The following PCDH15 variants were observed in gnomAD, a reference collection of about 807,000 sequenced individuals.
PCDH15 encodes the protein protocadherin-15.
Under a neutral mutation model 178.5 loss-of-function variants are expected in PCDH15, and 129 were observed. The ratio of observed to expected loss-of-function variants is 0.72; its 90% CI spans 0.63 to 0.84. The LOEUF is 0.84. PCDH15 is among the 40% of genes least tolerant of loss of function. PCDH15 has a pLI of 0.00. For synonymous variants in PCDH15, 800 were observed against 732.0 expected, an observed-to-expected ratio of 1.09 and a Z score of -1.50; for missense variants, 2,230 against 2,099.9, an observed-to-expected ratio of 1.06 and a Z score of -1.21.
chr10:55,414,378 T>A (rs2132038165), intron 2 of PCDH15, among the ~76,000 whole-genome samples: 1 of 151,686 alleles, frequency 6.6e-6, no homozygotes, highest in Middle Eastern at 3.4e-3. Flanking sequence ...AATCCACGAT[T>A]CATTTCACCC....
At chr10:54,383,503 T>G (rs780464739) in intron 3 of PCDH15, among the ~76,000 whole-genome samples, 4 of 152,100 alleles carry the variant, frequency 2.6e-5, no homozygotes, top group Non-Finnish European at 5.9e-5. Context: ...TATTTAATTA[T>G]CAGACTGGTG....
intron 7 of PCDH15, among the ~76,000 whole-genome samples, chr10:54,318,011 A>G (rs1218919335): frequency 6.6e-6 from 1 of 152,064 alleles, no homozygotes; most frequent in Non-Finnish European, 1.5e-5. Flanking sequence ...CATAAAGGTC[A>G]CTCTCATCTC....
At chr10:55,380,602 A>G (rs1166369617) in intron 2 of PCDH15, among the ~76,000 whole-genome samples, 2 of 152,156 alleles carry the variant, frequency 1.3e-5, no homozygotes, top group Non-Finnish European at 2.9e-5. Context: ...AGATTTTTCT[A>G]GTCTCAGTGT....
intron 2 of PCDH15, among the ~76,000 whole-genome samples, chr10:55,035,549 A>C (rs2131970966): frequency 6.6e-6 from 1 of 152,316 alleles, no homozygotes; most frequent in Admixed American, 6.5e-5. Context: ...ATCACAGCGT[A>C]ATAAAGTTAA....
At chr10:55,230,203 T>A in intron 1 of PCDH15, among the ~76,000 whole-genome samples, 1 of 152,068 alleles carries the variant, frequency 6.6e-6, no homozygotes, top group East Asian at 1.9e-4. Flanking sequence ...ATTAAAATTT[T>A]GATTTATTTG....
intron 2 of PCDH15, among the ~76,000 whole-genome samples, chr10:55,471,856 A>T (rs1054214697): frequency 6.6e-6 from 1 of 152,248 alleles, no homozygotes; most frequent in African/African-American, 2.4e-5. Context: ...TATATGCAGG[A>T]CTATTTTTGC....
chr10:54,580,559 C>T (rs1449236730), intron 2 of PCDH15, among the ~76,000 whole-genome samples: 1 of 151,766 alleles, frequency 6.6e-6, no homozygotes, highest in Non-Finnish European at 1.5e-5. Context: ...GACACTATTA[C>T]AAAAAATTAA....
chr10:54,098,200 GTGTGT>G, intron 15 of PCDH15, among the ~76,000 whole-genome samples: 1 of 113,484 alleles, frequency 8.8e-6, no homozygotes, highest in Non-Finnish European at 1.7e-5. Context: ...TTGTGTGTGT[GTGTGT>G]GTGTGTGTGT....
At chr10:54,058,795 G>C (rs974093017) in intron 18 of PCDH15, among the ~76,000 whole-genome samples, 1 of 151,858 alleles carries the variant, frequency 6.6e-6, no homozygotes, top group Non-Finnish European at 1.5e-5. Context: ...CTGGGTTCAA[G>C]CTATTCTCCT....
intron 2 of PCDH15, among the ~76,000 whole-genome samples, chr10:55,351,086 C>T (rs541885619): frequency 6.8e-4 from 95 of 138,744 alleles, no homozygotes; most frequent in African/African-American, 2.3e-3. Context: ...TCCTCCTCCT[C>T]CTTCTTCTTC....
chr10:55,051,005 A>G (rs1382784271), intron 2 of PCDH15, among the ~76,000 whole-genome samples: 1 of 152,102 alleles, frequency 6.6e-6, no homozygotes, highest in African/African-American at 2.4e-5. Context: ...ACATCACTAG[A>G]ATTTCATGCC....
At position 54,643,811 on chromosome 10, in the gene PCDH15, T is replaced by A. The variant is rs560697754; in HGVS notation, c.91+20361A>T. On this transcript the variant is annotated intron_variant, in intron 2 of 37. Transcript: ENST00000644397. ...TGGCTTAGCTCTGGTTCATTTTTTT[T>A]AAAATTTTATTTTATTATTATTATA... Among the ~76,000 whole-genome samples, 78 of 151,390 alleles carry A rather than the reference T, an allele frequency of 5.2e-4. No homozygotes were observed. The East Asian group carries it at 7.8e-3, about 15-fold the overall frequency.
chr10:54,865,168 G>T (rs1953915679), intron 3 of PCDH15, among the ~76,000 whole-genome samples: 1 of 152,190 alleles, frequency 6.6e-6, no homozygotes, highest in Non-Finnish European at 1.5e-5. Flanking sequence ...AGTGGGAGAG[G>T]AAGACCTAGC....
At chr10:55,282,618 G>T (rs1842760763) in intron 1 of PCDH15, among the ~76,000 whole-genome samples, 1 of 152,096 alleles carries the variant, frequency 6.6e-6, no homozygotes, top group Non-Finnish European at 1.5e-5. Context: ...CTCCATAAAA[G>T]AAGTTACAGT....
chr10:55,190,285 C>G (rs1412703555), intron 1 of PCDH15, among the ~76,000 whole-genome samples: 1 of 150,592 alleles, frequency 6.6e-6, no homozygotes, highest in Non-Finnish European at 1.5e-5. Flanking sequence ...CTTCTGCTGT[C>G]ATAGAAACTT....
chr10:54,162,103 A>G (rs1036859854), intron 13 of PCDH15, among the ~76,000 whole-genome samples: 1 of 152,126 alleles, frequency 6.6e-6, no homozygotes, highest in Non-Finnish European at 1.5e-5. Flanking sequence ...AATGATATTT[A>G]TCCATTTTTT....
At chr10:54,462,176 T>A (rs1317060251) in intron 3 of PCDH15, among the ~76,000 whole-genome samples, 1 of 152,110 alleles carries the variant, frequency 6.6e-6, no homozygotes, top group Non-Finnish European at 1.5e-5. Flanking sequence ...GTTCTGCAAA[T>A]GTGCGTAATA....
intron 3 of PCDH15, among the ~76,000 whole-genome samples, chr10:54,816,892 C>T (rs1289969997): frequency 1.3e-5 from 2 of 152,000 alleles, no homozygotes; most frequent in Admixed American, 1.3e-4. Context: ...CAGGTCCCTC[C>T]TCTTACTTCA....
At chr10:53,930,423 A>G (rs2084947464) in intron 25 of PCDH15, among the ~76,000 whole-genome samples, 1 of 116,480 alleles carries the variant, frequency 8.6e-6, no homozygotes, top group South Asian at 3.0e-4. Flanking sequence ...GTGCCACTGT[A>G]CTCCAGCCTG....
Sources: gnomAD v4.1 joint callset for allele counts (sites outside exome capture counted in the v4.1 genomes callset) on GRCh38, gnomAD v4.1.1 for gene constraint, MANE v1.5 for transcripts, NCBI Gene and HGNC (gene_info 2026-07-23, HGNC 2026-07-21) for gene names.